The following SLC30A8 variants were observed in gnomAD, a reference collection of about 807,000 sequenced individuals.
The protein encoded by SLC30A8 is proton-coupled zinc antiporter SLC30A8.
SLC30A8 carries 27 observed loss-of-function variants against 36.9 expected under a neutral mutation model. The observed-to-expected ratio is 0.73, with a 90% CI of 0.54 to 1.01. SLC30A8 has a LOEUF of 1.01. Ranked by LOEUF, SLC30A8 falls within the 50% of genes least tolerant of loss-of-function variation. SLC30A8 has a pLI of 0.00. For missense variants in SLC30A8, 439 were observed against 452.0 expected (o/e 0.97, Z 0.26); for synonymous variants, 164 against 172.4 (o/e 0.95, Z 0.38).
At chr8:117,161,710 G>C (rs758652065) in intron 4 of SLC30A8, 28 bp from the exon 5 acceptor site, 2 of 1,603,062 alleles carry the variant, frequency 1.2e-6, no homozygotes, top group Non-Finnish European at 1.7e-6. Flanking sequence ...GACCTCATGT[G>C]TGCTAAGAAC....
At chr8:117,052,673 G>A (rs546805324) in intron 2 of SLC30A8, among the ~76,000 whole-genome samples, 5 of 152,268 alleles carry the variant, frequency 3.3e-5, no homozygotes, top group African/African-American at 1.2e-4. Context: ...CAGCTGGATC[G>A]TAACCTTGGG....
At chr8:116,952,753 G>A (rs973080856) in intron 1 of SLC30A8, among the ~76,000 whole-genome samples, 13 of 152,046 alleles carry the variant, frequency 8.6e-5, no homozygotes, top group African/African-American at 3.1e-4. Flanking sequence ...CACCGGGCCT[G>A]GCCACTTCCA....
At chr8:116,965,319 T>C (rs551423852) in intron 1 of SLC30A8, among the ~76,000 whole-genome samples, 1 of 152,220 alleles carries the variant, frequency 6.6e-6, no homozygotes, top group African/African-American at 2.4e-5. Flanking sequence ...AAATACAAAC[T>C]GAAGGATAGT....
At chr8:117,069,074 T>C (rs1432780870) in intron 2 of SLC30A8, among the ~76,000 whole-genome samples, 2 of 152,192 alleles carry the variant, frequency 1.3e-5, no homozygotes, top group Non-Finnish European at 2.9e-5. Context: ...ATGACTTTTA[T>C]AGTTTTGTAT....
chr8:117,062,840 G>T (rs989137940), intron 2 of SLC30A8, among the ~76,000 whole-genome samples: 1 of 152,152 alleles, frequency 6.6e-6, no homozygotes, highest in Non-Finnish European at 1.5e-5. Flanking sequence ...ATCTCATTTC[G>T]GGCTTTACCC....
chr8:117,028,550 GT>G lies in SLC30A8; in HGVS notation c.-265-10655del, dbSNP rs57593485. Among the ~76,000 whole-genome samples, 716 of 144,170 alleles carry G rather than the reference GT, an allele frequency of 5.0e-3. 8 individuals carry two copies. The highest frequency in any genetic ancestry group is 0.013 in the African/African-American group (516 of 39,562). 94.6% of individuals were successfully genotyped at this position (144,170 alleles called of 152,430 possible). ...TAAATCTCTGCATCTTCTCACCACA[GT>G]TTTTTTTTTTTTTATTGTAAGGAGT... On this transcript the variant is annotated intron_variant, in intron 1 of 10. Coordinates refer to the SLC30A8 transcript ENST00000427715.
chr8:117,164,441 G>A (rs1171324698), intron 6 of SLC30A8, among the ~76,000 whole-genome samples: 3 of 152,098 alleles, frequency 2.0e-5, no homozygotes, highest in Admixed American at 6.6e-5. Flanking sequence ...GGGCATTGTG[G>A]TGCATGCCTG....
chr8:117,168,882 T>C (rs933495677), intron 6 of SLC30A8, among the ~76,000 whole-genome samples: 4 of 152,178 alleles, frequency 2.6e-5, no homozygotes, highest in Non-Finnish European at 4.4e-5. Context: ...GCCTTAGCAA[T>C]GTTCCTTAAT....
intron 2 of SLC30A8, among the ~76,000 whole-genome samples, chr8:117,049,849 G>C (rs1360719029): frequency 5.3e-5 from 8 of 152,166 alleles, no homozygotes; most frequent in Admixed American, 1.3e-4. Flanking sequence ...CACTCACAGA[G>C]GTGGCACCGA....
At position 117,108,081 on chromosome 8, in the gene SLC30A8, G is replaced by A. The variant is rs145285882; in HGVS notation, c.-225-27199G>A. Among the ~76,000 whole-genome samples, 532 of 152,084 alleles carry A rather than the reference G, an allele frequency of 3.5e-3. 8 individuals are homozygous for A. Among genetic ancestry groups the A allele is most frequent in the African/African-American group, 0.012 (504 of 41,490 alleles). On this transcript the variant is annotated intron_variant, in intron 2 of 10. Transcript: ENST00000427715. Reference sequence around the variant, plus strand: ...TGATACTTGTATAATATCTTATTTCGATGAGTAAATTATATTTTTCCTTTA... The same window carrying A: ...TGATACTTGTATAATATCTTATTTCAATGAGTAAATTATATTTTTCCTTTA...
At chr8:117,029,845 T>C (rs1454759231) in intron 1 of SLC30A8, among the ~76,000 whole-genome samples, 1 of 152,192 alleles carries the variant, frequency 6.6e-6, no homozygotes, top group Non-Finnish European at 1.5e-5. Flanking sequence ...TGAAGATAAA[T>C]TCACTCTTTG....
chr8:117,124,649 A>G (rs1007765650), intron 2 of SLC30A8, among the ~76,000 whole-genome samples: 13 of 62,956 alleles, frequency 2.1e-4, no homozygotes, highest in African/African-American at 1.5e-3. Context: ...TTGTATCCAG[A>G]AAAAAAAAAA....
chr8:117,076,611 T>C (rs1230959902), intron 2 of SLC30A8, among the ~76,000 whole-genome samples: 1 of 152,188 alleles, frequency 6.6e-6, no homozygotes, highest in East Asian at 1.9e-4. Context: ...ACAGGAAGTA[T>C]TCCTTTCTCC....
At chr8:117,042,178 CATTATG>C (rs1817406439) in intron 2 of SLC30A8, among the ~76,000 whole-genome samples, 2 of 152,142 alleles carry the variant, frequency 1.3e-5, no homozygotes, top group African/African-American at 4.8e-5. Context: ...CATTCAAAGA[CATTATG>C]ATGTCTTTAT....
At chr8:116,951,513 A>G (rs1409735869) in intron 1 of SLC30A8, among the ~76,000 whole-genome samples, 7 of 151,844 alleles carry the variant, frequency 4.6e-5, no homozygotes, top group South Asian at 4.2e-4. Flanking sequence ...TTTGCTTCCT[A>G]TTTACTCCCT....
intron 1 of SLC30A8, among the ~76,000 whole-genome samples, chr8:117,006,423 GTTTC>G (rs1196219962): frequency 2.0e-5 from 3 of 152,216 alleles, no homozygotes; most frequent in African/African-American, 7.2e-5. Flanking sequence ...GAGGAAAGAT[GTTTC>G]TTTCTTCTTG....
rs866700996 is a variant in SLC30A8, at chr8:117,171,112, T to C, written c.908T>C (p.Leu303Pro). ...GACGGGGTGCTGTCTGTGCACAGCC[T>C]GCACATCTGGTCTCTAACAATGAAT... ...AVDGVLSVHS[L>P]HIWSLTMNQV... Residue 303 changes from leucine (L) to proline (P), a missense_variant, in exon 7 of 8, where the codon CTG (leucine) becomes CCG (proline). By Grantham distance (98) the Leu-to-Pro change is moderately conservative. Transcript: ENST00000456015. 1.2e-6 allele frequency: 2 copies of C among 1,613,232 alleles called. No homozygotes were observed. Among genetic ancestry groups the C allele is most frequent in the African/African-American group, 1.3e-5 (1 of 74,986 alleles).
chr8:117,129,010 T>C (rs1161616022), intron 2 of SLC30A8, among the ~76,000 whole-genome samples: 1 of 152,034 alleles, frequency 6.6e-6, no homozygotes, highest in African/African-American at 2.4e-5. Context: ...TTAGTTAAAA[T>C]GGGTGCTTGG....
intron 1 of SLC30A8, among the ~76,000 whole-genome samples, chr8:117,029,130 C>G (rs1047957869): frequency 6.6e-6 from 1 of 152,170 alleles, no homozygotes; most frequent in African/African-American, 2.4e-5. Context: ...GCCGAACTAT[C>G]CATTTTTCTA....
Sources: allele counts gnomAD v4.1 joint callset (sites outside exome capture counted in the v4.1 genomes callset), GRCh38; gene constraint gnomAD v4.1.1; transcripts MANE v1.5; gene names NCBI Gene and HGNC (gene_info 2026-07-23, HGNC 2026-07-21).